Variants in DOCK7 observed in about 807,000 individuals in gnomAD.
DOCK7 encodes dedicator of cytokinesis 7.
Under a neutral mutation model 271.0 loss-of-function variants are expected in DOCK7, and 138 were observed. That is an observed-to-expected ratio of 0.51 (90% confidence interval 0.44 to 0.59). The LOEUF is 0.59. Ranked by LOEUF, DOCK7 falls within the 20% of genes least tolerant of loss-of-function variation. The probability of loss-of-function intolerance (pLI) is 0.00; values close to 1 mark genes in which losing one functional copy is unlikely to be tolerated. For synonymous variants in DOCK7, 823 were observed against 876.1 expected (o/e 0.94, Z 1.07); for missense variants, 2,066 against 2,592.4 (o/e 0.80, Z 4.41).
intron 1 of DOCK7, among the ~76,000 whole-genome samples, chr1:62,670,701 G>C (rs1428272421): frequency 6.6e-6 from 1 of 152,130 alleles, no homozygotes; most frequent in Non-Finnish European, 1.5e-5. Flanking sequence ...TGGGGACGTG[G>C]AGAACCTTTG....
intron 1 of DOCK7, among the ~76,000 whole-genome samples, chr1:62,674,229 T>G (rs1019007221): frequency 6.6e-6 from 1 of 152,070 alleles, no homozygotes; most frequent in Non-Finnish European, 1.5e-5. Context: ...GAAATAAATT[T>G]AACAAAAGAG....
intron 34 of DOCK7, among the ~76,000 whole-genome samples, chr1:62,509,266 T>C (rs1050409885): frequency 2.0e-5 from 3 of 146,828 alleles, no homozygotes; most frequent in Admixed American, 7.0e-5. Context: ...TGAGTCATGA[T>C]TGTGCCACTG....
At chr1:62,678,220 A>T (rs1168423510) in intron 1 of DOCK7, among the ~76,000 whole-genome samples, 1 of 152,262 alleles carries the variant, frequency 6.6e-6, no homozygotes, top group Non-Finnish European at 1.5e-5. Context: ...ATCAATCTAC[A>T]CAGTAATACA....
At chr1:62,558,069 A>G (rs568670238) in intron 20 of DOCK7, among the ~76,000 whole-genome samples, 10 of 152,218 alleles carry the variant, frequency 6.6e-5, no homozygotes, top group African/African-American at 2.4e-4. Flanking sequence ...CTACAGAAAA[A>G]GTCCCAATTT....
intron 11 of DOCK7, among the ~76,000 whole-genome samples, chr1:62,625,996 AAAC>A: frequency 6.6e-6 from 1 of 152,342 alleles, no homozygotes; most frequent in Admixed American, 6.5e-5. Flanking sequence ...CTAAGCCATA[AAAC>A]AACATACAAT....
chr1:62,609,856 TG>T (rs904400689), intron 14 of DOCK7, among the ~76,000 whole-genome samples: 5 of 152,002 alleles, frequency 3.3e-5, no homozygotes, highest in African/African-American at 4.8e-5. Flanking sequence ...TTTTTCGAGA[TG>T]GAGTCTCGCT....
At chr1:62,604,505 A>C (rs1335143773) in intron 14 of DOCK7, 1 of 1,039,992 alleles carries the variant, frequency 9.6e-7, no homozygotes, top group Non-Finnish European at 1.4e-6. Context: ...AGATTATTTA[A>C]AACTGGGATA....
rs919541327 is a variant in DOCK7, at chr1:62,659,013, T to G, written c.144+4012A>C. On this transcript the variant is annotated intron_variant, in intron 2 of 49. Coordinates refer to ENST00000635253, the MANE Select transcript of DOCK7 (RefSeq NM_001367561.1). ...AAGACATACTCCGATAAAATAAAAC[T>G]AAGAGACTCTGTCACCAGCAGATCT... Among the ~76,000 whole-genome samples, 17 of 150,234 alleles carry G rather than the reference T, an allele frequency of 1.1e-4. No individual in the cohort carries two copies. In the East Asian group the frequency reaches 3.1e-3, roughly 28 times the overall value.
At chr1:62,645,324 A>G (rs1040427620) in intron 7 of DOCK7, among the ~76,000 whole-genome samples, 2 of 152,158 alleles carry the variant, frequency 1.3e-5, no homozygotes, top group Admixed American at 1.3e-4. Flanking sequence ...ATATGCATCA[A>G]TGGAATATCA....
In DOCK7 at chr1:62,688,323, G is replaced by A; in HGVS notation, c.-59C>T. 8.9e-7 allele frequency: 1 copy of A among 1,128,074 alleles called. No homozygotes were observed. Among genetic ancestry groups the A allele is most frequent in the Non-Finnish European group, 1.1e-6 (1 of 905,128 alleles). 69.9% of individuals were successfully genotyped at this position (1,128,074 alleles called of 1,614,324 possible). A position where few individuals can be genotyped will look rare whatever the true frequency, so the allele number is the denominator to read the frequency against. ...TGCGGCGGGCCGGGTGCGGACCGGCGGGCGCGTGCCTCCTCGCTCGTGCTC... is the reference window on the plus strand; with the variant it reads ...TGCGGCGGGCCGGGTGCGGACCGGCAGGCGCGTGCCTCCTCGCTCGTGCTC... On this transcript the variant is annotated 5_prime_UTR_variant, in exon 1 of 50. Coordinates refer to ENST00000635253, the MANE Select transcript of DOCK7 (RefSeq NM_001367561.1).
At chr1:62,461,506 C>T (rs922953092) in intron 48 of DOCK7, among the ~76,000 whole-genome samples, 6 of 151,000 alleles carry the variant, frequency 4.0e-5, no homozygotes, top group African/African-American at 1.5e-4. Flanking sequence ...CATAGTGAGA[C>T]TCTGTCACTA....
intron 1 of DOCK7, among the ~76,000 whole-genome samples, chr1:62,672,481 T>TA (rs1189850627): frequency 6.6e-6 from 1 of 152,122 alleles, no homozygotes; most frequent in African/African-American, 2.4e-5. Flanking sequence ...AATTTGAACA[T>TA]AAAGACCTCA....
At chr1:62,594,531 A>G (rs1648937882) in intron 14 of DOCK7, among the ~76,000 whole-genome samples, 1 of 152,128 alleles carries the variant, frequency 6.6e-6, no homozygotes, top group Non-Finnish European at 1.5e-5. Flanking sequence ...AAATAATTTC[A>G]TAAAGCCTGT....
At chr1:62,661,488 T>C (rs981656194) in intron 2 of DOCK7, among the ~76,000 whole-genome samples, 2 of 151,982 alleles carry the variant, frequency 1.3e-5, no homozygotes, top group Non-Finnish European at 2.9e-5. Flanking sequence ...CATGTAAGTA[T>C]ATATTATACA....
chr1:62,615,753 A>AT (rs942087236), intron 14 of DOCK7, among the ~76,000 whole-genome samples: 25 of 151,682 alleles, frequency 1.6e-4, no homozygotes, highest in Non-Finnish European at 2.8e-4. Flanking sequence ...CTACAATATT[A>AT]TTTTTACTAA....
chr1:62,496,533 T>C (rs749840066), intron 37 of DOCK7, 36 bp from the exon 38 acceptor site: 29 of 1,554,184 alleles, frequency 1.9e-5, no homozygotes, highest in East Asian at 9.3e-5. Flanking sequence ...ATACTTAATA[T>C]AGAAAAGCTT....
At chr1:62,542,285 T>C (rs907417933) in intron 25 of DOCK7, among the ~76,000 whole-genome samples, 1 of 152,120 alleles carries the variant, frequency 6.6e-6, no homozygotes, top group African/African-American at 2.4e-5. Flanking sequence ...TGGTATAAAA[T>C]CTACAATACT....
At chr1:62,592,630 A>C (rs2149513795) in intron 14 of DOCK7, among the ~76,000 whole-genome samples, 2 of 152,316 alleles carry the variant, frequency 1.3e-5, no homozygotes, top group South Asian at 4.1e-4. Flanking sequence ...AAAAGAGGGT[A>C]ACAAGGAGGG....
At chr1:62,490,018 T>G (rs1220344537) in intron 41 of DOCK7, among the ~76,000 whole-genome samples, 1 of 151,148 alleles carries the variant, frequency 6.6e-6, no homozygotes, top group Non-Finnish European at 1.5e-5. Flanking sequence ...ATAATCAGAG[T>G]GAGAGACAAG....
Sources: gnomAD v4.1 joint callset for allele counts (sites outside exome capture counted in the v4.1 genomes callset) on GRCh38, gnomAD v4.1.1 for gene constraint, MANE v1.5 for transcripts, NCBI Gene and HGNC (gene_info 2026-07-23, HGNC 2026-07-21) for gene names.